The following THEMIS variants were observed in gnomAD, a reference collection of about 807,000 sequenced individuals.
THEMIS encodes thymocyte selection associated.
A neutral mutation model predicts 52.6 loss-of-function variants in THEMIS; 37 were observed. The observed-to-expected ratio is 0.70, with a 90% CI of 0.54 to 0.93. The LOEUF (loss-of-function observed/expected upper bound fraction) is 0.93, where lower values mean the gene tolerates loss of function less well. Among genes scored for constraint, THEMIS ranks in the 40% least tolerant of loss-of-function variants. The pLI, the probability that THEMIS is intolerant of heterozygous loss-of-function variation, is 0.00. For missense variants in THEMIS, 808 were observed against 763.1 expected (o/e 1.06, Z -0.69); for synonymous variants, 292 against 272.7 (o/e 1.07, Z -0.70).
At chr6:127,799,587 T>TTTCTTTCTTTCTTTCTTTC (rs1562264826) in intron 4 of THEMIS, among the ~76,000 whole-genome samples, 1 of 124,550 alleles carries the variant, frequency 8.0e-6, no homozygotes, top group African/African-American at 3.0e-5. Context: ...TTCTTTCTTT[T>TTTCTTTCTTTCTTTCTTTC]TTTCTTTCTT....
chr6:127,733,947 A>G (rs1774896130), intron 4 of THEMIS, among the ~76,000 whole-genome samples: 1 of 152,204 alleles, frequency 6.6e-6, no homozygotes, highest in South Asian at 2.1e-4. Context: ...GCATTAAAAT[A>G]TTACCAGTTA....
At chr6:127,770,012 C>T (rs148198933) in intron 4 of THEMIS, among the ~76,000 whole-genome samples, 11 of 152,258 alleles carry the variant, frequency 7.2e-5, no homozygotes, top group East Asian at 5.8e-4. Context: ...TTTCTTAATC[C>T]GGTCTATCAT....
At chr6:127,758,496 A>G (rs1775910878) in intron 4 of THEMIS, among the ~76,000 whole-genome samples, 1 of 149,620 alleles carries the variant, frequency 6.7e-6, no homozygotes, top group Non-Finnish European at 1.5e-5. Context: ...CTAATGCCTC[A>G]TAGGTGCCCA....
intron 3 of THEMIS, among the ~76,000 whole-genome samples, chr6:127,816,149 T>C (rs1778125623): frequency 6.6e-6 from 1 of 152,144 alleles, no homozygotes; most frequent in South Asian, 2.1e-4. Context: ...CTTTGATACA[T>C]TTTTCTCACT....
chr6:127,857,114 A>G (rs1021372700), intron 1 of THEMIS, among the ~76,000 whole-genome samples: 2 of 152,036 alleles, frequency 1.3e-5, no homozygotes, highest in Non-Finnish European at 2.9e-5. Context: ...GGCAATAGGA[A>G]TCAGAGATAA....
At chr6:127,719,599 A>T in intron 5 of THEMIS, 89 bp downstream of exon 5, 1 of 1,249,432 alleles carries the variant, frequency 8.0e-7, no homozygotes. Context: ...TATTCCAAAT[A>T]AAATAATAGT....
chr6:127,745,383 A>T (rs909679911), intron 4 of THEMIS, among the ~76,000 whole-genome samples: 1 of 151,932 alleles, frequency 6.6e-6, no homozygotes, highest in Non-Finnish European at 1.5e-5. Flanking sequence ...TGGTGAATTC[A>T]TAAGGTAGAT....
chr6:127,751,299 T>C (rs1775636004), intron 4 of THEMIS, among the ~76,000 whole-genome samples: 1 of 151,694 alleles, frequency 6.6e-6, no homozygotes, highest in African/African-American at 2.4e-5. Context: ...TAGACTGTTA[T>C]AACTACAAGA....
chr6:127,763,470 G>C (rs1345527639), intron 4 of THEMIS, among the ~76,000 whole-genome samples: 1 of 151,824 alleles, frequency 6.6e-6, no homozygotes, highest in Non-Finnish European at 1.5e-5. Flanking sequence ...CTAGACTTCT[G>C]CGTAACAAAG....
At chr6:127,799,587 T>C (rs867296102) in intron 4 of THEMIS, among the ~76,000 whole-genome samples, 48 of 124,546 alleles carry the variant, frequency 3.9e-4, no homozygotes, top group Non-Finnish European at 6.3e-4. Context: ...TTCTTTCTTT[T>C]TTTCTTTCTT....
Position 127,776,675 on chromosome 6 carries a change from T to C in THEMIS, c.1758+36208A>G, listed in dbSNP as rs550581833. Among the ~76,000 whole-genome samples, 3 of 152,338 alleles carry C rather than the reference T, an allele frequency of 2.0e-5. No individual in the cohort carries two copies. The South Asian group carries it at 6.2e-4, about 32-fold the overall frequency. ...CACAGAAACTGTGCCATAATGAATG[T>C]TTGCTGTTTATACTTATTAAGTTTT... On this transcript the variant is annotated intron_variant, in intron 4 of 5. Coordinates refer to ENST00000368248, the MANE Select transcript of THEMIS (RefSeq NM_001010923.3).
chr6:127,885,935 T>A (rs1382618605), intron 1 of THEMIS, among the ~76,000 whole-genome samples: 1 of 152,070 alleles, frequency 6.6e-6, no homozygotes, highest in African/African-American at 2.4e-5. Context: ...ATTAGGTGGT[T>A]TTGGCTGATT....
chr6:127,730,593 T>C (rs1774759119), intron 4 of THEMIS, among the ~76,000 whole-genome samples: 1 of 152,204 alleles, frequency 6.6e-6, no homozygotes, highest in African/African-American at 2.4e-5. Context: ...TTATTGAGTT[T>C]AAAATTCACT....
chr6:127,757,226 C>A (rs1205854922), intron 4 of THEMIS, among the ~76,000 whole-genome samples: 1 of 152,102 alleles, frequency 6.6e-6, no homozygotes, highest in South Asian at 2.1e-4. Context: ...GCGTATTATG[C>A]CACGGATTTC....
intron 4 of THEMIS, among the ~76,000 whole-genome samples, chr6:127,763,762 T>C (rs28501567): frequency 0.017 from 2,625 of 152,016 alleles, 83 homozygotes; most frequent in African/African-American, 0.06. Context: ...AATGTAAAAG[T>C]AAGTTTTGTC....
chr6:127,708,074 T>C (rs1213822787), downstream of THEMIS: 1 of 152,080 alleles, frequency 6.6e-6, no homozygotes, highest in Non-Finnish European at 1.5e-5. Flanking sequence ...CTCATGGCTT[T>C]TTTAGCACAA....
At chr6:127,838,666 C>A (rs1358070522) in intron 2 of THEMIS, among the ~76,000 whole-genome samples, 5 of 152,070 alleles carry the variant, frequency 3.3e-5, no homozygotes, top group East Asian at 3.9e-4. Flanking sequence ...TTTCAAATTT[C>A]TTTTGCTATG....
At chr6:127,887,771 T>C (rs1344713806) in intron 1 of THEMIS, among the ~76,000 whole-genome samples, 1 of 152,166 alleles carries the variant, frequency 6.6e-6, no homozygotes, top group Non-Finnish European at 1.5e-5. Flanking sequence ...AAATCGATGA[T>C]GATTATACAA....
intron 4 of THEMIS, among the ~76,000 whole-genome samples, chr6:127,807,877 G>T (rs959867111): frequency 6.6e-6 from 1 of 152,176 alleles, no homozygotes; most frequent in Non-Finnish European, 1.5e-5. Context: ...TGTCAAACCA[G>T]ATCAGAAGTG....
Sources: allele counts gnomAD v4.1 joint callset (sites outside exome capture counted in the v4.1 genomes callset), GRCh38; gene constraint gnomAD v4.1.1; transcripts MANE v1.5; gene names NCBI Gene and HGNC (gene_info 2026-07-23, HGNC 2026-07-21).